Variants in KNL1 observed in about 807,000 individuals in gnomAD.
KNL1 encodes outer kinetochore KNL1 complex subunit KNL1.
Under a neutral mutation model 201.3 loss-of-function variants are expected in KNL1, and 66 were observed. That is an observed-to-expected ratio of 0.33 (90% CI 0.27 to 0.40). The LOEUF is 0.40. KNL1 is among the 10% of genes least tolerant of loss of function. The pLI is 1.00. For missense variants in KNL1, 2,815 were observed against 2,690.5 expected (o/e 1.05, Z -1.02); for synonymous variants, 895 against 899.2 (o/e 1.00, Z 0.08).
intron 21 of KNL1, among the ~76,000 whole-genome samples, chr15:40,652,955 G>T (rs1367229369): frequency 6.6e-6 from 1 of 152,044 alleles, no homozygotes; most frequent in Non-Finnish European, 1.5e-5. Context: ...TCTTTAACCA[G>T]TCAGCGTCAA....
At chr15:40,595,859 C>T (rs981379001) in intron 1 of KNL1, among the ~76,000 whole-genome samples, 1 of 152,060 alleles carries the variant, frequency 6.6e-6, no homozygotes, top group African/African-American at 2.4e-5. Flanking sequence ...CACTCTTATC[C>T]TCCTACAATC....
At chr15:40,606,348 T>A in intron 3 of KNL1, 45 bp from the exon 4 acceptor site, 1 of 1,158,056 alleles carries the variant, frequency 8.6e-7, no homozygotes, top group Non-Finnish European at 1.3e-6. Flanking sequence ...TGATTCTTAA[T>A]AGATATGCCA....
chr15:40,612,391 C>T (rs1892197381), intron 7 of KNL1, among the ~76,000 whole-genome samples: 1 of 148,722 alleles, frequency 6.7e-6, no homozygotes, highest in Admixed American at 6.7e-5. Flanking sequence ...ACTCAGGAGG[C>T]CAAGGCACGA....
At chr15:40,645,163 T>C in intron 15 of KNL1, 76 bp downstream of exon 15, 1 of 986,370 alleles carries the variant, frequency 1.0e-6, no homozygotes, top group Non-Finnish European at 1.6e-6. Flanking sequence ...TGAGTAACTG[T>C]TACTTGGTCA....
At chr15:40,640,724 A>T (rs1893202832) in intron 13 of KNL1, among the ~76,000 whole-genome samples, 188 bp from the exon 14 acceptor site, 1 of 152,242 alleles carries the variant, frequency 6.6e-6, no homozygotes, top group Non-Finnish European at 1.5e-5. Context: ...ATCTATGGGG[A>T]AAGGGACTTA....
chr15:40,606,157 C>G (rs1257603679), intron 3 of KNL1, among the ~76,000 whole-genome samples: 2 of 152,178 alleles, frequency 1.3e-5, no homozygotes, highest in Admixed American at 6.5e-5. Flanking sequence ...GTGGCATTCA[C>G]TCAGACCATG....
intron 22 of KNL1, among the ~76,000 whole-genome samples, 196 bp from the exon 23 acceptor site, chr15:40,656,846 A>G (rs1893748192): frequency 2.0e-5 from 3 of 152,262 alleles, no homozygotes; most frequent in African/African-American, 7.2e-5. Context: ...AGATCACGCC[A>G]TGGTACTCCA....
In KNL1 at chr15:40,620,769, C is replaced by T. The variant is rs748634545; in HGVS notation, c.505C>T (p.Pro169Ser). 2 of 1,613,118 alleles carry T rather than the reference C, an allele frequency of 1.2e-6. No individual in the cohort carries two copies. Among genetic ancestry groups the T allele is most frequent in the African/African-American group, 2.7e-5 (2 of 74,806 alleles). ...GATTACCAAAGGCCTTTTAGATAAT[C>T]CCATAAGTGAAAAGTCCACCAAGAT... ...VMITKGLLDN[P>S]ISEKSTKIDT... Residue 169 changes from proline (P) to serine (S), a missense_variant, in exon 10 of 26, where the codon CCC becomes TCC. This residue lies in a region of KNL1 where 2,464 missense variants were observed against 2,291.7 expected (regional missense o/e 1.08). Transcript: ENST00000399668.
At chr15:40,651,347 C>A in intron 19 of KNL1, 124 bp from the exon 20 acceptor site, 1 of 444,276 alleles carries the variant, frequency 2.3e-6, no homozygotes, top group Non-Finnish European at 3.9e-6. Context: ...TGCCATACAC[C>A]TAACATTATT....
chr15:40,610,383 T>C (rs1239487778), intron 6 of KNL1, 86 bp downstream of exon 6: 5 of 742,052 alleles, frequency 6.7e-6, no homozygotes, highest in East Asian at 2.5e-5. Context: ...ATATAACTTA[T>C]TGTCTATCTT....
rs1340692814 is a variant in KNL1 at position 40,663,131 on chromosome 15, C to T, written c.*943C>T. The T allele has an allele frequency of 1.3e-5, 2 of 157,422 alleles. No homozygotes were observed. The highest frequency in any genetic ancestry group is 1.3e-4 in the Admixed American group (2 of 15,350). The allele number at this position is 157,422 out of a possible 1,614,324, so 9.8% of individuals were successfully genotyped here. On this transcript the variant is annotated 3_prime_UTR_variant, in exon 26 of 26. Transcript: ENST00000399668. ...CTGGAGTGCAGTGGCATGATCTCAG[C>T]TCACTGCAAGCTCCGCCTCCTGGGT...
chr15:40,616,182 G>C (rs934749105), intron 8 of KNL1, among the ~76,000 whole-genome samples: 1 of 148,014 alleles, frequency 6.8e-6, no homozygotes, highest in Non-Finnish European at 1.5e-5. Context: ...GGGGTGCAGT[G>C]GTGCAATCTG....
Position 40,659,375 on chromosome 15 carries a change from A to C in KNL1, c.6750A>C (p.Ala2250=). The change falls in exon 25 of 26, where the codon GCA becomes GCC. Residue 2250 remains alanine, a synonymous_variant. Transcript: ENST00000399668. ...RLLFSSSAAF[A]KFEITLFLSA... ...TATTCTCTAGCTCCGCAGCATTTGC[A>C]AAGTTTGAAATAACTTTGTTTCTCT... is the stretch of plus-strand genomic sequence containing the variant. The C allele has an allele frequency of 6.2e-7, 1 of 1,613,424 alleles. No individual in the cohort carries two copies.
chr15:40,627,933 TATTCTA>T, intron 10 of KNL1, 131 bp from the exon 11 acceptor site: 8 of 612,120 alleles, frequency 1.3e-5, no homozygotes, highest in Middle Eastern at 4.8e-4. Context: ...GTTTGTTACT[TATTCTA>T]ATTCTTCACT....
intron 24 of KNL1, among the ~76,000 whole-genome samples, chr15:40,657,843 A>C (rs926015603): frequency 6.6e-6 from 1 of 152,198 alleles, no homozygotes; most frequent in Non-Finnish European, 1.5e-5. Context: ...TTTCCAAATA[A>C]GGTCACTTTC....
In KNL1 at chr15:40,663,726, T is replaced by A; in HGVS notation, c.*1538T>A. 5.2e-6 allele frequency: 1 copy of A among 193,202 alleles called. No individual in the cohort carries two copies. Among genetic ancestry groups the A allele is most frequent in the East Asian group, 8.2e-5 (1 of 12,202 alleles). 12.0% of individuals were successfully genotyped at this position (193,202 alleles called of 1,614,324 possible). ...ATTATGTATGAAGTAGACAAAAAAA[T>A]TTACTCAAACTTCATTCAAATCCTA... On this transcript the variant is annotated 3_prime_UTR_variant, in exon 26 of 26. Coordinates refer to ENST00000399668, the MANE Select transcript of KNL1 (RefSeq NM_144508.5).
At chr15:40,652,414 C>T (rs556544105) in intron 21 of KNL1, among the ~76,000 whole-genome samples, 2 of 149,642 alleles carry the variant, frequency 1.3e-5, no homozygotes, top group South Asian at 2.1e-4. Flanking sequence ...CTCCATCTTT[C>T]GTGATAGAGA....
In KNL1 at chr15:40,649,115, G is replaced by T. The variant is rs141591538; in HGVS notation, c.6095-1186G>T. Reference sequence around the variant, plus strand: ...GGCCTCCCAAAGTGCTGGGATTACGGGTGTGAGCCACTGCGCCTGGCCCAA... The same window carrying T: ...GGCCTCCCAAAGTGCTGGGATTACGTGTGTGAGCCACTGCGCCTGGCCCAA... On this transcript the variant is annotated intron_variant, in intron 17 of 25. Coordinates refer to ENST00000399668, the MANE Select transcript of KNL1 (RefSeq NM_144508.5). Among the ~76,000 whole-genome samples the T allele has an allele frequency of 3.2e-3, 478 of 151,042 alleles. 3 individuals are homozygous for T. The highest frequency in any genetic ancestry group is 0.011 in the African/African-American group (457 of 41,138).
At chr15:40,636,524 A>G (rs1434425229) in intron 13 of KNL1, among the ~76,000 whole-genome samples, 1 of 152,152 alleles carries the variant, frequency 6.6e-6, no homozygotes, top group Admixed American at 6.6e-5. Flanking sequence ...TCTGTCACCC[A>G]ACTTCAAAAA....
Sources: allele counts gnomAD v4.1 joint callset (sites outside exome capture counted in the v4.1 genomes callset), GRCh38; gene constraint gnomAD v4.1.1; regional missense constraint gnomAD v4.1.1; transcripts MANE v1.5; gene names NCBI Gene and HGNC (gene_info 2026-07-23, HGNC 2026-07-21).